The following KRT77 variants were observed in gnomAD, a reference collection of about 807,000 sequenced individuals.
The protein encoded by KRT77 is keratin, type II cytoskeletal 1b.
KRT77 carries 44 observed loss-of-function variants against 51.5 expected under a neutral mutation model. That is an observed-to-expected ratio of 0.85 (90% CI 0.67 to 1.10). KRT77 has a LOEUF of 1.10. Ranked by LOEUF, KRT77 falls within the 50% of genes least tolerant of loss-of-function variation. KRT77 has a pLI of 0.00. For missense variants in KRT77, 763 were observed against 743.9 expected (o/e 1.03, Z -0.30); for synonymous variants, 293 against 302.0 (o/e 0.97, Z 0.31).
rs1565651725 is a variant in KRT77 at position 52,691,859 on chromosome 12, G to A, written c.1462+79C>T. ...TGGAAGCTAAAATGCCAGACTTTCC[G>A]TTCTCTGCTGGCCACCTCCTGGCCC... On this transcript the variant is annotated intron_variant, in intron 8 of 8. Transcript: ENST00000341809. 10 of 1,562,132 alleles carry A rather than the reference G, an allele frequency of 6.4e-6. No homozygotes were observed. The South Asian group carries it at 6.7e-5, about 10-fold the overall frequency.
In KRT77 at chr12:52,690,973, G is replaced by C; in HGVS notation, c.*192C>G. 1.2e-5 allele frequency: 9 copies of C among 725,590 alleles called. 1 individual carries two copies. In the South Asian group the frequency reaches 1.7e-4, roughly 13 times the overall value. 44.9% of individuals were successfully genotyped at this position (725,590 alleles called of 1,614,324 possible). A position where few individuals can be genotyped will look rare whatever the true frequency, so the allele number is the denominator to read the frequency against. On this transcript the variant is annotated 3_prime_UTR_variant, in exon 9 of 9. Transcript: ENST00000341809. ...TAGCTGTGAATCTGACTGCAAGCCAGTGCCCTCCAAAGAGAGATCTGCTGT... is the reference window on the plus strand; with the variant it reads ...TAGCTGTGAATCTGACTGCAAGCCACTGCCCTCCAAAGAGAGATCTGCTGT...
chr12:52,693,400 G>A (rs1462687868), intron 5 of KRT77: 3 of 154,578 alleles, frequency 1.9e-5, no homozygotes. Context: ...CCAGGACAGG[G>A]CTCTGAAGTG....
chr12:52,703,365 A>C lies in KRT77; in HGVS notation c.70T>G (p.Ser24Ala). The C allele has an allele frequency of 6.2e-7, 1 of 1,613,994 alleles. No homozygotes were observed. Among genetic ancestry groups the C allele is most frequent in the Non-Finnish European group, 8.5e-7 (1 of 1,179,930 alleles). ...MSRRVYSTSS[S>A]AGSGGGSPAV... The stretch of plus-strand genomic sequence containing the variant: ...GGACTCCCACCACCAGAGCCTGCAG[A>C]AGAGCTGGTACTATAAACCCGCCTG... The change falls in exon 1 of 9, where the codon TCT becomes GCT. Residue 24 changes from serine (S) to alanine (A), a missense_variant. Coordinates refer to ENST00000341809, the MANE Select transcript of KRT77 (RefSeq NM_175078.3).
intron 5 of KRT77, among the ~76,000 whole-genome samples, chr12:52,694,401 C>T (rs112727663): frequency 2.4e-4 from 36 of 152,072 alleles, no homozygotes; most frequent in African/African-American, 7.0e-4. Flanking sequence ...TGGCGAGAAC[C>T]GCAATCACTT....
chr12:52,695,445 C>T (rs1941780454), intron 4 of KRT77: 4 of 232,732 alleles, frequency 1.7e-5, no homozygotes, highest in Admixed American at 9.8e-5. Flanking sequence ...CCATCAACTC[C>T]CCAGAATTAA....
At position 52,702,958 on chromosome 12, in the gene KRT77, C is replaced by A; in HGVS notation, c.477G>T (p.Arg159Ser). 1 of 1,614,062 alleles carries A rather than the reference C, an allele frequency of 6.2e-7. No individual in the cohort carries two copies. Among genetic ancestry groups the A allele is most frequent in the Non-Finnish European group, 8.5e-7 (1 of 1,180,024 alleles). The change falls in exon 1 of 9, where the codon AGG becomes AGT. Residue 159 changes from arginine (R) to serine (S), a missense_variant. Coordinates refer to ENST00000341809, the MANE Select transcript of KRT77 (RefSeq NM_175078.3). The part of the protein sequence containing the change: ...LHLEVDPEIQ[R>S]IKTQEREQIM... ...TCTGCTCCCGCTCCTGGGTCTTGAT[C>A]CTCTGAATTTCAGGGTCCACCTCCA...
intron 4 of KRT77, 152 bp from the exon 5 acceptor site, chr12:52,694,942 G>A: frequency 1.7e-6 from 1 of 585,256 alleles, no homozygotes; most frequent in Non-Finnish European, 2.8e-6. Flanking sequence ...TGCAATGAGA[G>A]ATAATAGGGA....
rs1435095737 is a variant in KRT77, at chr12:52,693,269, C to T, written c.1081-389G>A. Among the ~76,000 whole-genome samples, 2 of 150,506 alleles carry T rather than the reference C, an allele frequency of 1.3e-5. 1 individual carries two copies. Among genetic ancestry groups the T allele is most frequent in the African/African-American group, 4.9e-5 (2 of 41,230 alleles). ...TTCCCACCCTTTTCCAGGATGATCT[C>T]CCTAGCAGTCAAGCAGGACCTCATG... On this transcript the variant is annotated intron_variant, in intron 5 of 8. Coordinates refer to ENST00000341809, the MANE Select transcript of KRT77 (RefSeq NM_175078.3).
At chr12:52,702,002 G>A (rs992659193) in intron 1 of KRT77, among the ~76,000 whole-genome samples, 3 of 152,068 alleles carry the variant, frequency 2.0e-5, no homozygotes, top group South Asian at 2.1e-4. Context: ...AACGCGTCAC[G>A]CTTTCATGCC....
chr12:52,701,321 C>A (rs192605381), intron 1 of KRT77, among the ~76,000 whole-genome samples: 7 of 152,236 alleles, frequency 4.6e-5, no homozygotes, highest in Non-Finnish European at 8.8e-5. Context: ...TCGGAAGCCA[C>A]GGGAGCACGC....
At position 52,691,300 on chromosome 12, in the gene KRT77, A is replaced by C. The variant is rs1351488194; in HGVS notation, c.1602T>G (p.Ser534Arg). The C allele has an allele frequency of 6.3e-7, 1 of 1,599,694 alleles. No individual in the cohort carries two copies. The highest frequency in any genetic ancestry group is 2.3e-5 in the East Asian group (1 of 44,040). Residue 534 changes from serine (S) to arginine (R), a missense_variant, in exon 9 of 9, where the codon AGT (serine) becomes AGG (arginine). Coordinates refer to ENST00000341809, the MANE Select transcript of KRT77 (RefSeq NM_175078.3). ...SYRGGGARGR[S>R]GGGYGSGCGG... Reference sequence around the variant, plus strand: ...CGCAGCCGCTGCCATAACCGCCTCCACTCCTGCCTCGTGCCCCGCCTCCGC... The same window carrying C: ...CGCAGCCGCTGCCATAACCGCCTCCCCTCCTGCCTCGTGCCCCGCCTCCGC...
intron 5 of KRT77, among the ~76,000 whole-genome samples, chr12:52,693,288 C>A (rs142525053): frequency 1.3e-5 from 2 of 150,720 alleles, no homozygotes; most frequent in East Asian, 3.9e-4. Flanking sequence ...TCAAGCAGGA[C>A]CTCATGTCCT....
At chr12:52,700,673 T>C (rs117191981) in intron 1 of KRT77, among the ~76,000 whole-genome samples, 1 of 152,274 alleles carries the variant, frequency 6.6e-6, no homozygotes, top group East Asian at 1.9e-4. Context: ...TCCCGAAAGC[T>C]GTTCCACCCA....
intron 7 of KRT77, 126 bp from the exon 8 acceptor site, chr12:52,692,098 C>T: frequency 9.8e-7 from 1 of 1,024,804 alleles, no homozygotes; most frequent in Non-Finnish European, 1.5e-6. Context: ...GAGCAGAGGT[C>T]AGGAAGCCAG....
At chr12:52,696,632 C>T in intron 2 of KRT77, 1 of 538,966 alleles carries the variant, frequency 1.9e-6, no homozygotes, top group South Asian at 2.9e-5. Flanking sequence ...GGTCTGTGGG[C>T]CAACAGAGGG....
Position 52,692,717 on chromosome 12 carries a change from GCAGGGCTTGGT to G in KRT77, c.1206+27_1206+37del, listed in dbSNP as rs1565652107. 1.1e-5 allele frequency: 18 copies of G among 1,601,220 alleles called. 2 individuals carry two copies. Among genetic ancestry groups the G allele is most frequent in the Admixed American group, 1.7e-5 (1 of 59,642 alleles). On this transcript the variant is annotated intron_variant, in intron 6 of 8. Coordinates refer to ENST00000341809, the MANE Select transcript of KRT77 (RefSeq NM_175078.3). The stretch of plus-strand genomic sequence containing the variant: ...GATCTGGCAGGGCATTGTAGGAGGT[GCAGGGCTTGGT>G]CAGCCCTCCCTAAGCACCCGTCCCA...
chr12:52,697,591 CTTA>C, intron 2 of KRT77, 88 bp downstream of exon 2: 1 of 351,258 alleles, frequency 2.8e-6, no homozygotes. Context: ...GCCCCCCACC[CTTA>C]CACACAAACA....
chr12:52,697,724 T>C lies in KRT77; in HGVS notation c.716A>G (p.Glu239Gly). ...CACGACATCCTGCATGCTCCTGACC[T>C]CCGCGTTCTGGCGCATCTGCTCCGC... Reference protein sequence around the residue: ...LSAEQMRQNAEVRSMQDVVED... With the variant: ...LSAEQMRQNAGVRSMQDVVED... The change falls in exon 2 of 9, where the codon GAG becomes GGG. Residue 239 changes from glutamate (E) to glycine (G), a missense_variant. Coordinates refer to ENST00000341809, the MANE Select transcript of KRT77 (RefSeq NM_175078.3). 1 of 1,613,952 alleles carries C rather than the reference T, an allele frequency of 6.2e-7. No individual in the cohort carries two copies. The highest frequency in any genetic ancestry group is 8.5e-7 in the Non-Finnish European group (1 of 1,179,932).
chr12:52,702,524 G>A lies in KRT77; in HGVS notation c.543+368C>T, dbSNP rs1461096234. Reference sequence around the variant, plus strand: ...TGGATTGATGAATAAGTGAATGGATGGATGTGTGTGTGTGTGTGTGTGTGT... The same window carrying A: ...TGGATTGATGAATAAGTGAATGGATAGATGTGTGTGTGTGTGTGTGTGTGT... On this transcript the variant is annotated intron_variant, in intron 1 of 8. Transcript: ENST00000341809. 3.7e-5 allele frequency among the ~76,000 whole-genome samples: 4 copies of A among 109,426 alleles called. No homozygotes were observed. The South Asian group carries it at 1.1e-3, about 29-fold the overall frequency. The allele number at this position is 109,426 out of a possible 152,430, so 71.8% of individuals were successfully genotyped here.
Sources: gnomAD v4.1 joint callset for allele counts (sites outside exome capture counted in the v4.1 genomes callset) on GRCh38, gnomAD v4.1.1 for gene constraint, MANE v1.5 for transcripts, NCBI Gene and HGNC (gene_info 2026-07-23, HGNC 2026-07-21) for gene names.